Variants in ALDH3A2 observed in about 807,000 individuals in gnomAD.
ALDH3A2 encodes aldehyde dehydrogenase family 3 member A2.
In ALDH3A2, 36 loss-of-function variants were observed where a neutral mutation model predicts 51.3. That is an observed-to-expected ratio of 0.70 (90% confidence interval 0.54 to 0.93). The LOEUF (loss-of-function observed/expected upper bound fraction) is 0.93, where lower values mean the gene tolerates loss of function less well. Ranked by LOEUF, ALDH3A2 falls within the 40% of genes least tolerant of loss-of-function variation. The pLI, the probability that ALDH3A2 is intolerant of heterozygous loss-of-function variation, is 0.00. For synonymous variants in ALDH3A2, 199 were observed against 219.8 expected (o/e 0.91, Z 0.84); for missense variants, 552 against 603.1 (o/e 0.92, Z 0.89).
Position 19,654,271 on chromosome 17 carries a change from G to A in ALDH3A2, c.471+1639G>A, listed in dbSNP as rs778539731. Among the ~76,000 whole-genome samples, 126 of 152,402 alleles carry A rather than the reference G, an allele frequency of 8.3e-4. No individual in the cohort carries two copies. The highest frequency in any genetic ancestry group is 1.3e-3 in the Non-Finnish European group (91 of 68,042). On this transcript the variant is annotated intron_variant, in intron 3 of 9. Coordinates refer to ENST00000176643, the MANE Select transcript of ALDH3A2 (RefSeq NM_000382.3). The surrounding 1 kb of genome is among the most constrained non-coding windows in gnomAD (Gnocchi z 4.5). ...TTTGCCTAGTGGATCCCACGCCGGG[G>A]CTGTGGGTGGAGCTGCCCATCAGTC...
rs1257647227 is a variant in ALDH3A2, at chr17:19,676,358, T to C, written c.*786T>C. On this transcript the variant is annotated 3_prime_UTR_variant, in exon 10 of 10. Coordinates refer to ENST00000176643, the MANE Select transcript of ALDH3A2 (RefSeq NM_000382.3). ...ACATCTTATAAAACCTAACTGGCAT[T>C]TAAAAAATACTGTGGCCGGGCGTGG... 6.6e-6 allele frequency: 1 copy of C among 152,152 alleles called. No individual in the cohort carries two copies. The highest frequency in any genetic ancestry group is 1.5e-5 in the Non-Finnish European group (1 of 68,040). 9.4% of individuals were successfully genotyped at this position (152,152 alleles called of 1,614,324 possible).
At chr17:19,652,330 G>C (rs1273489493) in intron 2 of ALDH3A2, among the ~76,000 whole-genome samples, 1 of 152,158 alleles carries the variant, frequency 6.6e-6, no homozygotes, top group Non-Finnish European at 1.5e-5. Context: ...AAAGGCTGCT[G>C]GAACCCATTG....
At chr17:19,661,645 G>A (rs1336179302) in intron 6 of ALDH3A2, among the ~76,000 whole-genome samples, 1 of 152,150 alleles carries the variant, frequency 6.6e-6, no homozygotes, top group Non-Finnish European at 1.5e-5. Flanking sequence ...TACCATTCCA[G>A]AAATAATGTT....
chr17:19,669,289 C>T lies in ALDH3A2; in HGVS notation c.1208-2432C>T, dbSNP rs145106093. Among the ~76,000 whole-genome samples, 511 of 152,130 alleles carry T rather than the reference C, an allele frequency of 3.4e-3. 2 individuals carry two copies. The highest frequency in any genetic ancestry group is 0.012 in the African/African-American group (480 of 41,516). ...CTGCACTCCAGCCTGGGCAACAGAG[C>T]GAGACTCCATCTCAAAAAAACAAAC... On this transcript the variant is annotated intron_variant, in intron 8 of 9. Coordinates refer to ENST00000176643, the MANE Select transcript of ALDH3A2 (RefSeq NM_000382.3).
In ALDH3A2 at chr17:19,657,459, C is replaced by T. The variant is rs549755066; in HGVS notation, c.681-286C>T. 5.3e-5 allele frequency among the ~76,000 whole-genome samples: 8 copies of T among 152,328 alleles called. No individual in the cohort carries two copies. The East Asian group carries it at 1.4e-3, about 26-fold the overall frequency. ...GAAAGGACATTGGGAGGCTGTTTCT[C>T]CTCTTTTCCTGCAGCAGGCAATGGC... On this transcript the variant is annotated intron_variant, in intron 4 of 9. Coordinates refer to ENST00000176643, the MANE Select transcript of ALDH3A2 (RefSeq NM_000382.3).
intron 5 of ALDH3A2, among the ~76,000 whole-genome samples, chr17:19,658,494 G>T (rs958026000): frequency 3.3e-5 from 5 of 150,570 alleles, no homozygotes; most frequent in East Asian, 2.0e-4. Context: ...GGGGGCCTAG[G>T]GGGGCAGATC....
upstream of ALDH3A2, chr17:19,648,456 G>A (rs2152325285): frequency 6.5e-6 from 1 of 154,018 alleles, no homozygotes; most frequent in South Asian, 1.9e-4. Context: ...TTCCGGCAGG[G>A]CGCCCACTCC....
rs1430486599 is a variant in ALDH3A2, at chr17:19,668,978, T to C, written c.1208-2743T>C. Among the ~76,000 whole-genome samples, 7 of 139,208 alleles carry C rather than the reference T, an allele frequency of 5.0e-5. 1 individual carries two copies. Among genetic ancestry groups the C allele is most frequent in the Non-Finnish European group, 1.0e-4 (7 of 66,848 alleles). 91.3% of individuals were successfully genotyped at this position (139,208 alleles called of 152,430 possible). ...CCCTCCTTTTCTTCTTTTCTTTTCT[T>C]TTTTCTTTTCTTTTCTTTCCATTTA... On this transcript the variant is annotated intron_variant, in intron 8 of 9. Transcript: ENST00000176643.
At chr17:19,666,833 C>T (rs148054385) in intron 8 of ALDH3A2, among the ~76,000 whole-genome samples, 2,467 of 150,434 alleles carry the variant, frequency 0.016, 30 homozygotes, top group Middle Eastern at 0.031. Context: ...TAAAATAAAA[C>T]AAGCAACCTA....
At chr17:19,667,802 A>G (rs2085059513) in intron 8 of ALDH3A2, among the ~76,000 whole-genome samples, 1 of 152,136 alleles carries the variant, frequency 6.6e-6, no homozygotes, top group South Asian at 2.1e-4. Flanking sequence ...CAAGAGATCC[A>G]CTTGCCTTGG....
At chr17:19,666,811 AAAT>A (rs2085044401) in intron 8 of ALDH3A2, among the ~76,000 whole-genome samples, 2 of 146,656 alleles carry the variant, frequency 1.4e-5, no homozygotes, top group Non-Finnish European at 3.0e-5. Context: ...ATAAATAAAT[AAAT>A]AAAAATAATA....
Position 19,671,705 on chromosome 17 carries a change from G to T in ALDH3A2, c.1208-16G>T. The T allele has an allele frequency of 6.2e-7, 1 of 1,604,784 alleles. No individual in the cohort carries two copies. The highest frequency in any genetic ancestry group is 8.5e-7 in the Non-Finnish European group (1 of 1,171,498). On this transcript the variant is annotated splice_polypyrimidine_tract_variant and intron_variant, in intron 8 of 9. Transcript: ENST00000176643. ...ATCTACAGTGAAGCTTGTTTTGTCTGTTCCCTTTATTTCAGGTTCCAGTGG... is the reference window on the plus strand; with the variant it reads ...ATCTACAGTGAAGCTTGTTTTGTCTTTTCCCTTTATTTCAGGTTCCAGTGG...
chr17:19,661,065 T>C lies in ALDH3A2; in HGVS notation c.799-62T>C, dbSNP rs2084958915. 7 of 1,537,662 alleles carry C rather than the reference T, an allele frequency of 4.6e-6. No individual in the cohort carries two copies. The Admixed American group carries it at 1.0e-4, about 22-fold the overall frequency. On this transcript the variant is annotated intron_variant, in intron 5 of 9. Coordinates refer to ENST00000176643, the MANE Select transcript of ALDH3A2 (RefSeq NM_000382.3). ...GATTTTGGGGCATGGCTGGATTTTG[T>C]ACTTACTGAAATTGAATTGTGGGTC...
chr17:19,661,748 A>G (rs2084968856), intron 6 of ALDH3A2, among the ~76,000 whole-genome samples: 1 of 151,908 alleles, frequency 6.6e-6, no homozygotes, highest in Non-Finnish European at 1.5e-5. Flanking sequence ...TGTTAAGCAC[A>G]TTTTTCTACA....
At chr17:19,653,421 C>G (rs2084845778) in intron 3 of ALDH3A2, among the ~76,000 whole-genome samples, 1 of 152,162 alleles carries the variant, frequency 6.6e-6, no homozygotes, top group African/African-American at 2.4e-5. Context: ...TGTTACAGTT[C>G]TTAAAGATGG....
At chr17:19,673,350 G>GTTTTT (rs199991380) in intron 9 of ALDH3A2, 1 of 1,251,502 alleles carries the variant, frequency 8.0e-7, no homozygotes, top group African/African-American at 2.0e-5. Context: ...TTTTTGGTTT[G>GTTTTT]TTTTTGTTTT....
rs1317584400 is a variant in ALDH3A2, at chr17:19,671,956, G to A, written c.1443G>A (p.Lys481=). The change falls in exon 9 of 10, where the codon AAG becomes AAA. Residue 481 remains lysine, a splice_region_variant and synonymous_variant. Transcript: ENST00000176643. The stretch of plus-strand genomic sequence containing the variant: ...GTATTGTAGCCGCTGTGCTTGTCAA[G>A]GTGAGTCCCTATAACCCATGAGTGC... ...FLGIVAAVLV[K]AEYY 1 of 1,613,574 alleles carries A rather than the reference G, an allele frequency of 6.2e-7. No individual in the cohort carries two copies.
intron 3 of ALDH3A2, among the ~76,000 whole-genome samples, chr17:19,653,822 G>T (rs188249774): frequency 6.6e-6 from 1 of 152,276 alleles, no homozygotes; most frequent in Admixed American, 6.5e-5. Context: ...TCCCTTATCT[G>T]GCCCCACCCG....
chr17:19,662,160 T>G (rs1298917596), intron 6 of ALDH3A2: 1 of 152,216 alleles, frequency 6.6e-6, no homozygotes, highest in Non-Finnish European at 1.5e-5. Context: ...ATGTCCACAT[T>G]GCCTATTTCT....
Sources: allele counts gnomAD v4.1 joint callset (sites outside exome capture counted in the v4.1 genomes callset), GRCh38; gene constraint gnomAD v4.1.1; non-coding constraint Gnocchi (gnomAD v3.1); transcripts MANE v1.5; gene names NCBI Gene and HGNC (gene_info 2026-07-23, HGNC 2026-07-21).